The following NPAS3 variants were observed in gnomAD, a reference collection of about 807,000 sequenced individuals.
The protein encoded by NPAS3 is neuronal PAS domain-containing protein 3.
Under a neutral mutation model 73.1 loss-of-function variants are expected in NPAS3, and 14 were observed. The ratio of observed to expected loss-of-function variants is 0.19; its 90% CI spans 0.13 to 0.30. The LOEUF (loss-of-function observed/expected upper bound fraction) is 0.30. Among genes scored for constraint, NPAS3 ranks in the 10% least tolerant of loss-of-function variants. NPAS3 has a pLI of 1.00. For synonymous variants in NPAS3, 620 were observed against 541.5 expected, an observed-to-expected ratio of 1.14 and a Z score of -2.01; for missense variants, 1,096 against 1,250.0, an observed-to-expected ratio of 0.88 and a Z score of 1.86.
chr14:33,212,654 G>A (rs970835010), intron 2 of NPAS3, among the ~76,000 whole-genome samples: 4 of 152,008 alleles, frequency 2.6e-5, no homozygotes, highest in Admixed American at 6.5e-5. Context: ...GTGATCTTGG[G>A]CTTTGTCTCC....
intron 2 of NPAS3, among the ~76,000 whole-genome samples, chr14:33,090,221 A>C (rs528994271): frequency 2.0e-5 from 3 of 152,246 alleles, no homozygotes; most frequent in Non-Finnish European, 2.9e-5. Flanking sequence ...ATTAAAAGTC[A>C]AGGCCCATCA....
chr14:33,376,234 A>C (rs1309696981), intron 4 of NPAS3, among the ~76,000 whole-genome samples: 1 of 152,166 alleles, frequency 6.6e-6, no homozygotes, highest in African/African-American at 2.4e-5. Flanking sequence ...AGGCCATATA[A>C]AAATCATATT....
At chr14:33,685,726 A>G (rs780115907) in intron 6 of NPAS3, among the ~76,000 whole-genome samples, 1 of 152,228 alleles carries the variant, frequency 6.6e-6, no homozygotes, top group African/African-American at 2.4e-5. Flanking sequence ...TTCTGATAAC[A>G]TTAATGATAT....
At chr14:33,676,531 A>G (rs189753144) in intron 6 of NPAS3, 146 bp downstream of exon 6, 14 of 543,360 alleles carry the variant, frequency 2.6e-5, no homozygotes, top group Admixed American at 7.7e-5. Flanking sequence ...CAGTAATTAA[A>G]TAAGGAAGAG....
intron 2 of NPAS3, among the ~76,000 whole-genome samples, chr14:33,165,909 T>TC (rs1322160043): frequency 1.3e-5 from 2 of 152,120 alleles, no homozygotes; most frequent in Non-Finnish European, 2.9e-5. Context: ...GTACTTTGTG[T>TC]CCCCCCATCC....
chr14:33,224,139 A>G (rs554227218), intron 3 of NPAS3, among the ~76,000 whole-genome samples: 1 of 152,308 alleles, frequency 6.6e-6, no homozygotes, highest in African/African-American at 2.4e-5. Flanking sequence ...ATTATACTGC[A>G]CTGTACTCAC....
In NPAS3 at chr14:33,250,515, C is replaced by T. The variant is rs538607988; in HGVS notation, c.385+35089C>T. On this transcript the variant is annotated intron_variant, in intron 3 of 11. Transcript: ENST00000356141. ...AAATAACATCAGTAAAGCTTACGAT[C>T]AGTAATAGCCCCACACTGATGCTCG... Among the ~76,000 whole-genome samples the T allele has an allele frequency of 5.3e-5, 8 of 152,162 alleles. No individual in the cohort carries two copies. In the South Asian group the frequency reaches 1.2e-3, roughly 24 times the overall value.
At chr14:33,411,230 C>A (rs1033569837) in intron 4 of NPAS3, among the ~76,000 whole-genome samples, 3 of 152,134 alleles carry the variant, frequency 2.0e-5, no homozygotes, top group Non-Finnish European at 4.4e-5. Flanking sequence ...ACTTTGTCAC[C>A]CAGGCTGGAG....
At chr14:32,966,727 G>A (rs1399054963) in intron 1 of NPAS3, among the ~76,000 whole-genome samples, 2 of 69,024 alleles carry the variant, frequency 2.9e-5, no homozygotes, top group African/African-American at 7.4e-5. Flanking sequence ...CAGAGATTGC[G>A]CCACTGCAGT....
At chr14:33,274,608 TCTTGA>T (rs1298531840) in intron 3 of NPAS3, among the ~76,000 whole-genome samples, 1 of 152,158 alleles carries the variant, frequency 6.6e-6, no homozygotes, top group Non-Finnish European at 1.5e-5. Flanking sequence ...CTCCTTTTAG[TCTTGA>T]CTTAAAGCAT....
intron 6 of NPAS3, among the ~76,000 whole-genome samples, chr14:33,732,637 A>G (rs189255265): frequency 3.6e-4 from 55 of 152,010 alleles, no homozygotes; most frequent in African/African-American, 1.3e-3. Flanking sequence ...CTTCTCTTGG[A>G]CTCTCCATAC....
chr14:33,700,098 A>G (rs1400839000), intron 6 of NPAS3, among the ~76,000 whole-genome samples: 2 of 152,100 alleles, frequency 1.3e-5, no homozygotes, highest in Admixed American at 1.3e-4. Flanking sequence ...TTGTTTTTTT[A>G]AAAGCAATAA....
intron 7 of NPAS3, among the ~76,000 whole-genome samples, chr14:33,764,305 C>T (rs1049143721): frequency 3.9e-5 from 6 of 152,236 alleles, no homozygotes; most frequent in African/African-American, 1.2e-4. Flanking sequence ...CCAAGTTCTG[C>T]TAGCAAACTC....
intron 5 of NPAS3, among the ~76,000 whole-genome samples, chr14:33,571,889 A>G (rs961044841): frequency 6.6e-6 from 1 of 152,216 alleles, no homozygotes; most frequent in African/African-American, 2.4e-5. Context: ...AGTGCTGTAT[A>G]TCATGCTGAA....
At chr14:33,531,510 G>A (rs947063546) in intron 4 of NPAS3, among the ~76,000 whole-genome samples, 10 of 152,006 alleles carry the variant, frequency 6.6e-5, no homozygotes, top group African/African-American at 2.4e-4. Context: ...GACTCATATC[G>A]GTAATTCCTT....
intron 5 of NPAS3, among the ~76,000 whole-genome samples, chr14:33,601,327 T>C (rs1368190601): frequency 1.3e-5 from 2 of 152,238 alleles, no homozygotes; most frequent in East Asian, 1.9e-4. Context: ...GTGCCCCAGG[T>C]TGGCAAATCC....
At chr14:33,286,091 C>T (rs1007657760) in intron 3 of NPAS3, among the ~76,000 whole-genome samples, 3 of 152,098 alleles carry the variant, frequency 2.0e-5, no homozygotes, top group African/African-American at 7.2e-5. Flanking sequence ...CCCTGTTGTG[C>T]TTTTAATGCA....
intron 7 of NPAS3, among the ~76,000 whole-genome samples, chr14:33,772,062 T>G (rs1229513627): frequency 2.6e-5 from 4 of 152,192 alleles, no homozygotes; most frequent in African/African-American, 9.7e-5. Context: ...ATGTGAAATT[T>G]TATGATCCTT....
chr14:32,945,682 A>G (rs2036220563), intron 1 of NPAS3, among the ~76,000 whole-genome samples: 1 of 152,218 alleles, frequency 6.6e-6, no homozygotes, highest in South Asian at 2.1e-4. Context: ...AATGGCAGAA[A>G]GACCAGTTCA....
Sources: gnomAD v4.1 joint callset for allele counts (sites outside exome capture counted in the v4.1 genomes callset) on GRCh38, gnomAD v4.1.1 for gene constraint, MANE v1.5 for transcripts, NCBI Gene and HGNC (gene_info 2026-07-23, HGNC 2026-07-21) for gene names.